The following ASTN1 variants were observed in gnomAD, a reference collection of about 807,000 sequenced individuals.
ASTN1 encodes the protein astrotactin 1.
In ASTN1, 41 loss-of-function variants were observed where a neutral mutation model predicts 140.7. The observed-to-expected ratio is 0.29, with a 90% confidence interval of 0.23 to 0.38. The LOEUF is 0.38. Among genes scored for constraint, ASTN1 ranks in the 10% least tolerant of loss-of-function variants. The pLI is 1.00. For missense variants in ASTN1, 1,479 were observed against 1,678.8 expected, an observed-to-expected ratio of 0.88 and a Z score of 2.08; for synonymous variants, 640 against 652.2, an observed-to-expected ratio of 0.98 and a Z score of 0.29.
intron 5 of ASTN1, 133 bp from the exon 6 acceptor site, chr1:177,024,865 C>A (rs1676029758): frequency 1.0e-6 from 1 of 999,714 alleles, no homozygotes; most frequent in Admixed American, 2.3e-5. Context: ...GGAACTGTCT[C>A]TGGCTGCATG....
intron 14 of ASTN1, among the ~76,000 whole-genome samples, chr1:176,939,591 T>C (rs1431513189): frequency 6.6e-6 from 1 of 152,172 alleles, no homozygotes. Context: ...TGACATACTT[T>C]CTCAAGGTGC....
chr1:177,034,887 A>C (rs1676636288), intron 2 of ASTN1, among the ~76,000 whole-genome samples: 1 of 152,334 alleles, frequency 6.6e-6, no homozygotes, highest in South Asian at 2.1e-4. Context: ...GAGTAGCGTA[A>C]GCATCAATCT....
At chr1:177,033,923 C>G in intron 2 of ASTN1, among the ~76,000 whole-genome samples, 1 of 152,020 alleles carries the variant, frequency 6.6e-6, no homozygotes, top group East Asian at 1.9e-4. Flanking sequence ...CATAAATCTT[C>G]CCGTGCACAA....
intron 18 of ASTN1, among the ~76,000 whole-genome samples, chr1:176,885,476 C>G (rs4652202): frequency 0.71 from 108,448 of 151,978 alleles, 38,876 homozygotes; most frequent in Middle Eastern, 0.86. Flanking sequence ...TTCAAGATGA[C>G]TGGATTCTGG....
downstream of ASTN1, among the ~76,000 whole-genome samples, chr1:176,859,338 T>C (rs1449809298): frequency 3.3e-5 from 5 of 152,128 alleles, no homozygotes; most frequent in Non-Finnish European, 4.4e-5. Flanking sequence ...ACCCACTTCA[T>C]TGGTGATGGG....
chr1:177,101,700 C>T (rs1254385242), intron 1 of ASTN1, among the ~76,000 whole-genome samples: 1 of 152,130 alleles, frequency 6.6e-6, no homozygotes, highest in Non-Finnish European at 1.5e-5. Flanking sequence ...ATGTATATGT[C>T]ATTTAAAAAA....
At chr1:176,988,200 A>G (rs973813026) in intron 8 of ASTN1, among the ~76,000 whole-genome samples, 1 of 152,038 alleles carries the variant, frequency 6.6e-6, no homozygotes, top group Non-Finnish European at 1.5e-5. Flanking sequence ...CAACATAATC[A>G]TAGAGATCTG....
At chr1:176,948,992 G>A (rs571159849) in intron 12 of ASTN1, among the ~76,000 whole-genome samples, 193 bp downstream of exon 12, 3 of 152,222 alleles carry the variant, frequency 2.0e-5, no homozygotes, top group Non-Finnish European at 2.9e-5. Context: ...ACTAGACTTA[G>A]GTCCCACACA....
chr1:177,006,979 T>G (rs939110205), intron 8 of ASTN1, among the ~76,000 whole-genome samples: 72 of 152,224 alleles, frequency 4.7e-4, no homozygotes, highest in African/African-American at 1.6e-3. Flanking sequence ...TTGCTCTCTC[T>G]TTTAAATCTT....
At chr1:177,001,011 A>T (rs1674702672) in intron 8 of ASTN1, among the ~76,000 whole-genome samples, 2 of 152,176 alleles carry the variant, frequency 1.3e-5, no homozygotes, top group South Asian at 4.1e-4. Flanking sequence ...ACTCCATGAG[A>T]TAATTTAAAG....
chr1:177,031,823 T>C (rs530890193), intron 3 of ASTN1, among the ~76,000 whole-genome samples: 35 of 152,286 alleles, frequency 2.3e-4, no homozygotes, highest in Admixed American at 2.0e-3. Context: ...GTGCAGTCTT[T>C]CTCTCTCTGC....
At chr1:177,151,854 T>C (rs1298567454) in intron 1 of ASTN1, among the ~76,000 whole-genome samples, 2 of 152,148 alleles carry the variant, frequency 1.3e-5, no homozygotes, top group South Asian at 2.1e-4. Context: ...ACATGTGGTG[T>C]AGAAGCAGCA....
intron 8 of ASTN1, among the ~76,000 whole-genome samples, chr1:176,984,598 G>C (rs1673797611): frequency 6.6e-6 from 1 of 152,160 alleles, no homozygotes; most frequent in South Asian, 2.1e-4. Context: ...CCACCGAACA[G>C]TCATGAGCCT....
At chr1:177,019,691 C>T (rs181159297) in intron 7 of ASTN1, among the ~76,000 whole-genome samples, 1 of 152,228 alleles carries the variant, frequency 6.6e-6, no homozygotes, top group Admixed American at 6.5e-5. Flanking sequence ...TTACATCCCT[C>T]CCAGGTAGCA....
chr1:177,042,986 G>A (rs1677049210), intron 2 of ASTN1, among the ~76,000 whole-genome samples: 1 of 152,202 alleles, frequency 6.6e-6, no homozygotes, highest in Admixed American at 6.5e-5. Context: ...CTTGATCATT[G>A]GATTGGCCAA....
chr1:177,008,099 G>C (rs907183556), intron 8 of ASTN1, among the ~76,000 whole-genome samples: 2 of 152,190 alleles, frequency 1.3e-5, no homozygotes, highest in Non-Finnish European at 2.9e-5. Flanking sequence ...GGACGATTCT[G>C]TTAAGTCTGT....
At chr1:177,000,485 C>G (rs1674675373) in intron 8 of ASTN1, among the ~76,000 whole-genome samples, 1 of 152,094 alleles carries the variant, frequency 6.6e-6, no homozygotes, top group South Asian at 2.1e-4. Flanking sequence ...AGAGAAGAGC[C>G]AGCAGAGACA....
chr1:176,864,873 T>A (rs1668078983), intron 22 of ASTN1, among the ~76,000 whole-genome samples: 1 of 152,234 alleles, frequency 6.6e-6, no homozygotes. Context: ...TAGTCATTTA[T>A]CATCACTAAA....
intron 7 of ASTN1, among the ~76,000 whole-genome samples, chr1:177,022,420 A>C (rs1047924016): frequency 6.6e-6 from 1 of 152,228 alleles, no homozygotes; most frequent in Non-Finnish European, 1.5e-5. Context: ...TCAATTTACC[A>C]AAAACAAGCC....
Sources: gnomAD v4.1 joint callset for allele counts (sites outside exome capture counted in the v4.1 genomes callset) on GRCh38, gnomAD v4.1.1 for gene constraint, MANE v1.5 for transcripts, NCBI Gene and HGNC (gene_info 2026-07-23, HGNC 2026-07-21) for gene names.